The following DLG4 variants were observed in gnomAD, a reference collection of about 807,000 sequenced individuals.
The protein encoded by DLG4 is discs large MAGUK scaffold protein 4.
DLG4 carries 7 observed loss-of-function variants against 93.8 expected under a neutral mutation model. That is an observed-to-expected ratio of 0.07 (90% CI 0.04 to 0.14). The LOEUF is 0.14. Ranked by LOEUF, DLG4 falls within the 10% of genes least tolerant of loss-of-function variation. The pLI is 1.00. For missense variants in DLG4, 545 were observed against 992.9 expected, an observed-to-expected ratio of 0.55 and a Z score of 6.06; for synonymous variants, 341 against 387.6, an observed-to-expected ratio of 0.88 and a Z score of 1.41.
chr17:7,208,193 G>A lies in DLG4; in HGVS notation c.77C>T (p.Pro26Leu). The change falls in exon 2 of 20, where the codon CCG (proline) becomes CTG (leucine). Residue 26 changes from proline (P) to leucine (L), a missense_variant. Pro to Leu is a moderately conservative substitution (Grantham distance 98). Around this residue, in one of 5 missense-constraint regions of DLG4, gnomAD observed 49 missense variants for 80.4 expected, o/e 0.61. Transcript: ENST00000399506. The surrounding 1 kb of genome is among the most constrained non-coding windows in gnomAD (Gnocchi z 5.4). ...DEDTPPLEHS[P>L]AHLPNQANSP... ...GTTTACCTGGTTGGGGAGGTGGGCCGGGCTGTGCTCCAGAGGGGGCGTGTC... is the reference window on the plus strand; with the variant it reads ...GTTTACCTGGTTGGGGAGGTGGGCCAGGCTGTGCTCCAGAGGGGGCGTGTC... The A allele has an allele frequency of 7.6e-7, 1 of 1,315,100 alleles. No individual in the cohort carries two copies. The highest frequency in any genetic ancestry group is 9.8e-7 in the Non-Finnish European group (1 of 1,022,444). 81.5% of individuals were successfully genotyped at this position (1,315,100 alleles called of 1,614,324 possible).
At position 7,208,274 on chromosome 17, in the gene DLG4, C is replaced by T; in HGVS notation, c.31-35G>A. The T allele has an allele frequency of 7.6e-7, 1 of 1,310,008 alleles. No individual in the cohort carries two copies. The highest frequency in any genetic ancestry group is 2.8e-5 in the East Asian group (1 of 35,648). 81.1% of individuals were successfully genotyped at this position (1,310,008 alleles called of 1,614,324 possible). ...GGGACGGAGGTGTCACTGGGGCCAG[C>T]CCGGTGCCTCAGGCTCCAGGCTGGC... On this transcript the variant is annotated intron_variant, in intron 1 of 19. Transcript: ENST00000399506. The surrounding 1 kb of genome is among the most constrained non-coding windows in gnomAD (Gnocchi z 5.4).
chr17:7,204,168 T>C (rs1263261043), intron 3 of DLG4, 31 bp downstream of exon 3: 1 of 1,605,522 alleles, frequency 6.2e-7, no homozygotes, highest in Non-Finnish European at 8.5e-7. Flanking sequence ...CCTTCTGCAA[T>C]GGCCCCAGCC....
At chr17:7,210,291 A>C (rs2070657008) in intron 1 of DLG4, among the ~76,000 whole-genome samples, 1 of 152,216 alleles carries the variant, frequency 6.6e-6, no homozygotes, top group Admixed American at 6.5e-5. Context: ...TGGTCCTGTC[A>C]GCACGAAAAC....
At chr17:7,202,628 C>G (rs1248476125) in intron 8 of DLG4, 2 of 519,210 alleles carry the variant, frequency 3.9e-6, no homozygotes, top group Non-Finnish European at 6.9e-6. Context: ...TCTGGAAGAG[C>G]AGAAGAATTA....
chr17:7,208,363 T>C lies in DLG4; in HGVS notation c.31-124A>G. The C allele has an allele frequency of 1.2e-6, 1 of 805,860 alleles. No homozygotes were observed. The highest frequency in any genetic ancestry group is 1.7e-6 in the Non-Finnish European group (1 of 578,682). The allele number at this position is 805,860 out of a possible 1,614,324, so 49.9% of individuals were successfully genotyped here. A position where few individuals can be genotyped will look rare whatever the true frequency, so the allele number is the denominator to read the frequency against. ...CGGAAGGCCCTGGGGCCTGACCAGC[T>C]CCTCCCCCTCCCTCTCCTCTAGCCC... is the stretch of plus-strand genomic sequence containing the variant. On this transcript the variant is annotated intron_variant, in intron 1 of 19. Coordinates refer to ENST00000399506, the MANE Select transcript of DLG4 (RefSeq NM_001321075.3). This position sits in a 1 kb window ranked among gnomAD's most constrained non-coding sequence, Gnocchi z 5.4.
intron 17 of DLG4, 91 bp downstream of exon 17, chr17:7,192,848 AAGAGAC>A: frequency 1.5e-6 from 2 of 1,350,912 alleles, no homozygotes; most frequent in Non-Finnish European, 2.0e-6. Flanking sequence ...CCAGCAGGGA[AAGAGAC>A]AGAGAGAGAG....
chr17:7,204,730 C>T (rs1315069524), intron 2 of DLG4, among the ~76,000 whole-genome samples: 4 of 151,974 alleles, frequency 2.6e-5, no homozygotes, highest in Non-Finnish European at 4.4e-5. Flanking sequence ...CCCCAACCCC[C>T]CATATCTACC....
chr17:7,191,461 T>C lies in DLG4; in HGVS notation c.1977-103A>G. On this transcript the variant is annotated intron_variant, in intron 18 of 19. Transcript: ENST00000399506. The surrounding 1 kb of genome is among the most constrained non-coding windows in gnomAD (Gnocchi z 6.6). ...TAAGTATTCTTCTATTTGGAGCACA[T>C]AGCAAAAAAAAAAATACAATTCCCA... 5 of 899,522 alleles carry C rather than the reference T, an allele frequency of 5.6e-6. No homozygotes were observed. Among genetic ancestry groups the C allele is most frequent in the South Asian group, 1.5e-5 (1 of 66,458 alleles). 55.7% of individuals were successfully genotyped at this position (899,522 alleles called of 1,614,324 possible). A position where few individuals can be genotyped will look rare whatever the true frequency, so the allele number is the denominator to read the frequency against.
intron 2 of DLG4, among the ~76,000 whole-genome samples, chr17:7,206,802 C>T (rs184151479): frequency 4.3e-4 from 66 of 152,150 alleles, no homozygotes; most frequent in African/African-American, 1.5e-3. Context: ...TTGCCCGCTC[C>T]CTAGGCTCAG....
At chr17:7,218,342 C>A, upstream of DLG4, 1 of 1,542,370 alleles carries the variant, frequency 6.5e-7, no homozygotes, top group South Asian at 1.2e-5. Flanking sequence ...CACATCACCC[C>A]TGTCATCACC....
upstream of DLG4, chr17:7,219,038 G>A: frequency 4.6e-6 from 3 of 653,070 alleles, no homozygotes; most frequent in East Asian, 2.7e-5. Flanking sequence ...TCTTCCCATA[G>A]GCAGGCAGAA....
Position 7,196,088 on chromosome 17 carries a change from G to GCT in DLG4, c.1301+130_1301+131dup. 1.5e-6 allele frequency: 1 copy of GCT among 645,826 alleles called. No individual in the cohort carries two copies. 40.0% of individuals were successfully genotyped at this position (645,826 alleles called of 1,614,324 possible). On this transcript the variant is annotated intron_variant, in intron 11 of 19. Coordinates refer to ENST00000399506, the MANE Select transcript of DLG4 (RefSeq NM_001321075.3). This position sits in a 1 kb window ranked among gnomAD's most constrained non-coding sequence, Gnocchi z 8.3. ...TGTGCAGCCAAGCCCATGAACCCTG[G>GCT]CTGCGCCTCAGGCCTGGGGTGGGGA...
chr17:7,214,283 G>A (rs975865273), intron 1 of DLG4, among the ~76,000 whole-genome samples: 1 of 152,086 alleles, frequency 6.6e-6, no homozygotes, highest in Non-Finnish European at 1.5e-5. Context: ...CTTTACGCAC[G>A]GGGGGCCACG....
At position 7,196,498 on chromosome 17, in the gene DLG4, C is replaced by G. The variant is rs746253923; in HGVS notation, c.1161G>C (p.Thr387=). ...CTTCTGGTTTATACTGAGCGATGATCGTGACCGTCTGACCCGCATTCTTCA... is the reference window on the plus strand; with the variant it reads ...CTTCTGGTTTATACTGAGCGATGATGGTGACCGTCTGACCCGCATTCTTCA... The part of the protein sequence containing the change: ...IALKNAGQTV[T]IIAQYKPEEY... Residue 387 remains threonine (T), a synonymous_variant, in exon 10 of 20, where the codon ACG becomes ACC. Transcript: ENST00000399506. This position sits in a 1 kb window ranked among gnomAD's most constrained non-coding sequence, Gnocchi z 8.3. 6.2e-7 allele frequency: 1 copy of G among 1,614,034 alleles called. No homozygotes were observed. Among genetic ancestry groups the G allele is most frequent in the Non-Finnish European group, 8.5e-7 (1 of 1,179,902 alleles).
At chr17:7,192,924 C>A in intron 17 of DLG4, 21 bp downstream of exon 17, 1 of 1,589,392 alleles carries the variant, frequency 6.3e-7, no homozygotes, top group South Asian at 1.1e-5. Context: ...GGAAGAGGAC[C>A]GGGTGCCCGC....
At chr17:7,218,275 A>C (rs754522496), upstream of DLG4, 3 of 1,609,294 alleles carry the variant, frequency 1.9e-6, no homozygotes, top group South Asian at 3.3e-5. Flanking sequence ...ATAATAGTCC[A>C]GGATGTCTGT....
At chr17:7,214,763 G>A (rs1377789499) in intron 1 of DLG4, among the ~76,000 whole-genome samples, 1 of 152,250 alleles carries the variant, frequency 6.6e-6, no homozygotes, top group Non-Finnish European at 1.5e-5. Context: ...GAGGGACGGG[G>A]GCGGAGTGGG....
chr17:7,189,233 T>C lies in DLG4; in HGVS notation c.*1475A>G, dbSNP rs2069376405. 6.6e-6 allele frequency among the ~76,000 whole-genome samples: 1 copy of C among 151,918 alleles called. No individual in the cohort carries two copies. Among genetic ancestry groups the C allele is most frequent in the Admixed American group, 6.6e-5 (1 of 15,256 alleles). ...CAGGCCAGGCGCGGTGGCTCACGCC[T>C]GTAATCCCAGCACTTTGGGAGGCTG... is the stretch of plus-strand genomic sequence containing the variant. On this transcript the variant is annotated 3_prime_UTR_variant, in exon 20 of 20. Coordinates refer to ENST00000399506, the MANE Select transcript of DLG4 (RefSeq NM_001321075.3).
In DLG4 at chr17:7,217,104, C is replaced by A; in HGVS notation, c.30+14G>T. 7.8e-7 allele frequency: 1 copy of A among 1,287,718 alleles called. No individual in the cohort carries two copies. Among genetic ancestry groups the A allele is most frequent in the Non-Finnish European group, 9.8e-7 (1 of 1,015,632 alleles). The allele number at this position is 1,287,718 out of a possible 1,614,324, so 79.8% of individuals were successfully genotyped here. On this transcript the variant is annotated intron_variant, in intron 1 of 19. Coordinates refer to ENST00000399506, the MANE Select transcript of DLG4 (RefSeq NM_001321075.3). ...TACCCTCCCCCCAGTTTATAGCCCCCCCATCATGCTTACCTTGGTTGTCAC... is the reference window on the plus strand; with the variant it reads ...TACCCTCCCCCCAGTTTATAGCCCCACCATCATGCTTACCTTGGTTGTCAC...
Sources: gnomAD v4.1 joint callset for allele counts (sites outside exome capture counted in the v4.1 genomes callset) on GRCh38, gnomAD v4.1.1 for gene constraint, gnomAD v4.1.1 regional missense constraint, Gnocchi (gnomAD v3.1) non-coding constraint, MANE v1.5 for transcripts, NCBI Gene and HGNC (gene_info 2026-07-23, HGNC 2026-07-21) for gene names.